The following CKMT2 variants were observed in gnomAD, a reference collection of about 807,000 sequenced individuals.
CKMT2 encodes the protein creatine kinase S-type, mitochondrial.
A neutral mutation model predicts 48.9 loss-of-function variants in CKMT2; 43 were observed. The ratio of observed to expected loss-of-function variants is 0.88; its 90% CI spans 0.69 to 1.13. The LOEUF is 1.13. Among genes scored for constraint, CKMT2 ranks in the 50% most tolerant of loss-of-function variants. The pLI, the probability that CKMT2 is intolerant of heterozygous loss-of-function variation, is 0.00. For synonymous variants in CKMT2, 206 were observed against 213.0 expected, an observed-to-expected ratio of 0.97 and a Z score of 0.29; for missense variants, 472 against 555.4, an observed-to-expected ratio of 0.85 and a Z score of 1.51.
chr5:81,240,174 C>T (rs536713259), intron 1 of CKMT2, among the ~76,000 whole-genome samples: 13 of 152,130 alleles, frequency 8.5e-5, no homozygotes, highest in East Asian at 1.9e-4. Context: ...GGTGTTCCTG[C>T]GAAGGAAGGC....
At chr5:81,257,096 G>A in intron 6 of CKMT2, 96 bp downstream of exon 6, 1 of 915,126 alleles carries the variant, frequency 1.1e-6, no homozygotes, top group Admixed American at 2.2e-5. Flanking sequence ...TACTGCAGTT[G>A]ACAGCATGCC....
chr5:81,258,904 G>A (rs181590191), intron 7 of CKMT2, among the ~76,000 whole-genome samples: 21 of 152,182 alleles, frequency 1.4e-4, no homozygotes, highest in Admixed American at 1.1e-3. Context: ...AAAATGGTTG[G>A]GGACCACTGC....
chr5:81,251,308 A>AACC (rs1214739041), intron 2 of CKMT2, 24 bp downstream of exon 2: 1 of 1,612,348 alleles, frequency 6.2e-7, no homozygotes, highest in Middle Eastern at 1.8e-4. Context: ...ACTTTAAAAT[A>AACC]ACCTCAGGCC....
At chr5:81,242,008 C>A (rs1001267230) in intron 1 of CKMT2, among the ~76,000 whole-genome samples, 1 of 151,364 alleles carries the variant, frequency 6.6e-6, no homozygotes, top group Non-Finnish European at 1.5e-5. Context: ...AGGCCTTGTA[C>A]TCTGCTGGCT....
At chr5:81,254,757 C>A (rs1756938245) in intron 4 of CKMT2, 2 of 596,818 alleles carry the variant, frequency 3.4e-6, no homozygotes, top group African/African-American at 1.9e-5. Flanking sequence ...TCATCCCAAA[C>A]CACCCAGTGA....
intron 4 of CKMT2, 41 bp from the exon 5 acceptor site, chr5:81,254,952 G>A (rs765258539): frequency 6.4e-7 from 1 of 1,552,778 alleles, no homozygotes; most frequent in Admixed American, 1.7e-5. Context: ...CAGGACCATG[G>A]TCCGAGGCTG....
At chr5:81,240,546 CA>C (rs1756401371) in intron 1 of CKMT2, among the ~76,000 whole-genome samples, 1 of 152,182 alleles carries the variant, frequency 6.6e-6, no homozygotes, top group African/African-American at 2.4e-5. Flanking sequence ...TGGAGGCATG[CA>C]ATACAGTACT....
intron 6 of CKMT2, 29 bp from the exon 7 acceptor site, chr5:81,257,704 A>T (rs370192362): frequency 1.9e-6 from 3 of 1,596,454 alleles, no homozygotes; most frequent in Non-Finnish European, 2.6e-6. Context: ...TGCAATTAAC[A>T]CTCAGTACCA....
At chr5:81,247,191 TG>T (rs1756640900) in intron 1 of CKMT2, among the ~76,000 whole-genome samples, 1 of 152,222 alleles carries the variant, frequency 6.6e-6, no homozygotes, top group African/African-American at 2.4e-5. Flanking sequence ...GTTATGATAA[TG>T]CTCAGAACAT....
rs572748774 is a variant in CKMT2, at chr5:81,255,050, C to T, written c.505C>T (p.Arg169Cys). Reference sequence around the variant, plus strand: ...GCTGTCTTCTCGGGTGCGCACTGGCCGCAGCATCCGTGGGCTGAGCCTGCC... The same window carrying T: ...GCTGTCTTCTCGGGTGCGCACTGGCTGCAGCATCCGTGGGCTGAGCCTGCC... ...YVLSSRVRTG[R>C]SIRGLSLPPA... Residue 169 changes from arginine to cysteine, a missense_variant, in exon 5 of 10, where the codon CGC (arginine) becomes TGC (cysteine). Transcript: ENST00000254035. The T allele has an allele frequency of 1.3e-5, 21 of 1,613,922 alleles. No individual in the cohort carries two copies. Among genetic ancestry groups the T allele is most frequent in the African/African-American group, 6.7e-5 (5 of 75,044 alleles).
Position 81,266,385 on chromosome 5 carries a change from C to A in CKMT2, c.*127C>A. The A allele has an allele frequency of 1.2e-6, 1 of 859,716 alleles. No individual in the cohort carries two copies. The highest frequency in any genetic ancestry group is 1.8e-6 in the Non-Finnish European group (1 of 569,060). The allele number at this position is 859,716 out of a possible 1,614,324, so 53.3% of individuals were successfully genotyped here. On this transcript the variant is annotated 3_prime_UTR_variant, in exon 10 of 10. Coordinates refer to ENST00000254035, the MANE Select transcript of CKMT2 (RefSeq NM_001099735.2). The stretch of plus-strand genomic sequence containing the variant: ...GATCCTGCCTATCTTTACAATAAAA[C>A]TCTCCTTAATATATCTTTGCTTTGT...
rs577945139 is a variant in CKMT2 at position 81,259,389 on chromosome 5, T to C, written c.1014+135T>C. On this transcript the variant is annotated intron_variant, in intron 8 of 9. Coordinates refer to ENST00000254035, the MANE Select transcript of CKMT2 (RefSeq NM_001099735.2). The stretch of plus-strand genomic sequence containing the variant: ...CTACAATATAAAAATAAGAAAAAAA[T>C]TAAGTTTGCCTCCAAAGACATTTGT... The C allele has an allele frequency of 1.7e-5, 14 of 809,356 alleles. No homozygotes were observed. In the African/African-American group the frequency reaches 2.5e-4, roughly 14 times the overall value. 50.1% of individuals were successfully genotyped at this position (809,356 alleles called of 1,614,324 possible).
At chr5:81,257,044 G>A in intron 6 of CKMT2, 44 bp downstream of exon 6, 2 of 1,523,942 alleles carry the variant, frequency 1.3e-6, no homozygotes, top group South Asian at 2.3e-5. Context: ...TGTAGAGGAT[G>A]TTTTTGAGAT....
At position 81,257,750 on chromosome 5, in the gene CKMT2, C is replaced by A; in HGVS notation, c.773C>A (p.Thr258Lys). Residue 258 changes from threonine to lysine, a missense_variant, in exon 7 of 10, where the codon ACA (threonine) becomes AAA (lysine). Coordinates refer to ENST00000254035, the MANE Select transcript of CKMT2 (RefSeq NM_001099735.2). ...ARGIWHNYDK[T>K]FLIWINEEDH... Reference sequence around the variant, plus strand: ...TTCATTAGGCATAATTATGATAAGACATTTCTCATCTGGATAAATGAGGAG... The same window carrying A: ...TTCATTAGGCATAATTATGATAAGAAATTTCTCATCTGGATAAATGAGGAG... The A allele has an allele frequency of 6.2e-7, 1 of 1,611,352 alleles. No individual in the cohort carries two copies. The highest frequency in any genetic ancestry group is 8.5e-7 in the Non-Finnish European group (1 of 1,177,882).
intron 1 of CKMT2, among the ~76,000 whole-genome samples, chr5:81,247,638 A>C (rs1364138185): frequency 6.6e-6 from 1 of 152,276 alleles, no homozygotes; most frequent in Admixed American, 6.5e-5. Context: ...TTTGGAGAGC[A>C]TGGAACAGCC....
chr5:81,251,139 A>G lies in CKMT2; in HGVS notation c.7A>G (p.Ser3Gly). Residue 3 changes from serine to glycine, a missense_variant, in exon 2 of 10, where the codon AGT becomes GGT. Physicochemically the swap from Ser to Gly is moderately conservative, Grantham distance 56. Coordinates refer to ENST00000254035, the MANE Select transcript of CKMT2 (RefSeq NM_001099735.2). ...CACTCATCCAAGAGGAAGGATGGCCAGTATCTTTTCTAAGTTGCTAACTGG... is the reference window on the plus strand; with the variant it reads ...CACTCATCCAAGAGGAAGGATGGCCGGTATCTTTTCTAAGTTGCTAACTGG... MASIFSKLLTGRN... is the reference protein window; with the variant it reads MAGIFSKLLTGRN... 6.2e-7 allele frequency: 1 copy of G among 1,613,962 alleles called. No individual in the cohort carries two copies. The highest frequency in any genetic ancestry group is 8.5e-7 in the Non-Finnish European group (1 of 1,179,910).
At position 81,254,857 on chromosome 5, in the gene CKMT2, A is replaced by C. The variant is rs1302784464; in HGVS notation, c.448-136A>C. 33 of 728,794 alleles carry C rather than the reference A, an allele frequency of 4.5e-5. No individual in the cohort carries two copies. The South Asian group carries it at 5.0e-4, about 11-fold the overall frequency. 45.1% of individuals were successfully genotyped at this position (728,794 alleles called of 1,614,324 possible). A position where few individuals can be genotyped will look rare whatever the true frequency, so the allele number is the denominator to read the frequency against. On this transcript the variant is annotated intron_variant, in intron 4 of 9. Coordinates refer to ENST00000254035, the MANE Select transcript of CKMT2 (RefSeq NM_001099735.2). ...CCCCAAGACTTCCGGAATGTGTCCAATTTACGGATTGTGCAGTCGTGCACA... is the reference window on the plus strand; with the variant it reads ...CCCCAAGACTTCCGGAATGTGTCCACTTTACGGATTGTGCAGTCGTGCACA...
intron 8 of CKMT2, among the ~76,000 whole-genome samples, chr5:81,261,827 A>G (rs1757235009): frequency 6.6e-6 from 1 of 152,210 alleles, no homozygotes; most frequent in Non-Finnish European, 1.5e-5. Context: ...ACTTCACAGA[A>G]TTAGAAAAAA....
rs769821949 is a variant in CKMT2, at chr5:81,263,537, G to A, written c.1061G>A (p.Arg354His). ...KILENLRLQK[R>H]GTGGVDTAAV... is the part of the protein sequence containing the mutation. ...CTGGAAAACCTAAGACTCCAGAAGC[G>A]TGGCACAGGTGGTGTGGACACTGCC... The change falls in exon 9 of 10, where the codon CGT becomes CAT. Residue 354 changes from arginine to histidine, a missense_variant. Transcript: ENST00000254035. 40 of 1,613,142 alleles carry A rather than the reference G, an allele frequency of 2.5e-5. No individual in the cohort carries two copies. Among genetic ancestry groups the A allele is most frequent in the Middle Eastern group, 1.7e-4 (1 of 6,056 alleles).
Sources: allele counts gnomAD v4.1 joint callset (sites outside exome capture counted in the v4.1 genomes callset), GRCh38; gene constraint gnomAD v4.1.1; transcripts MANE v1.5; gene names NCBI Gene and HGNC (gene_info 2026-07-23, HGNC 2026-07-21).